EYS: variants seen among roughly 807,000 people sequenced by gnomAD.
EYS encodes the protein EGF-like photoreceptor maintenance factor.
In EYS, 250 loss-of-function variants were observed where a neutral mutation model predicts 282.1. That is an observed-to-expected ratio of 0.89 (90% CI 0.80 to 0.98). The LOEUF (loss-of-function observed/expected upper bound fraction) is 0.98. Among genes scored for constraint, EYS ranks in the 50% least tolerant of loss-of-function variants. The pLI is 0.00. For missense variants in EYS, 4,016 were observed against 3,709.0 expected, an observed-to-expected ratio of 1.08 and a Z score of -2.15; for synonymous variants, 1,355 against 1,282.9, an observed-to-expected ratio of 1.06 and a Z score of -1.20.
intron 29 of EYS, among the ~76,000 whole-genome samples, chr6:64,345,398 A>G (rs960178180): frequency 6.6e-6 from 1 of 152,124 alleles, no homozygotes; most frequent in Non-Finnish European, 1.5e-5. Context: ...ATAATGCTGC[A>G]TATCTACAAC....
chr6:64,360,812 G>A (rs754708461), intron 29 of EYS, among the ~76,000 whole-genome samples: 33 of 151,846 alleles, frequency 2.2e-4, no homozygotes, highest in Admixed American at 5.9e-4. Context: ...GTTAGTGAAT[G>A]CCAGAGAAAG....
chr6:64,129,001 C>A (rs997560863), intron 31 of EYS, among the ~76,000 whole-genome samples: 17 of 152,150 alleles, frequency 1.1e-4, no homozygotes, highest in Admixed American at 2.0e-4. Context: ...AAATTATATA[C>A]AACCCTCTGG....
chr6:65,094,478 C>G (rs547516241), intron 12 of EYS, among the ~76,000 whole-genome samples: 35 of 151,204 alleles, frequency 2.3e-4, no homozygotes, highest in Non-Finnish European at 4.4e-4. Context: ...ATTGAGGCCA[C>G]AATACAAGTC....
intron 35 of EYS, among the ~76,000 whole-genome samples, chr6:63,942,088 G>A (rs1009042993): frequency 6.6e-6 from 1 of 152,118 alleles, no homozygotes; most frequent in Non-Finnish European, 1.5e-5. Context: ...CTCTAATTCA[G>A]CCTCTAGATC....
chr6:64,646,964 A>C lies in EYS; in HGVS notation c.3444-20719T>G, dbSNP rs149787533. ...CAAACATTTGTAAGGCATTTTAATA[A>C]AGGTGAAGAAAGAGTAGTGAATGGA... On this transcript the variant is annotated intron_variant, in intron 22 of 42. Coordinates refer to ENST00000503581, the MANE Select transcript of EYS (RefSeq NM_001142800.2). 1.9e-4 allele frequency among the ~76,000 whole-genome samples: 29 copies of C among 152,262 alleles called. No individual in the cohort carries two copies. The East Asian group carries it at 4.4e-3, about 23-fold the overall frequency.
intron 37 of EYS, 90 bp from the exon 38 acceptor site, chr6:63,789,314 G>A (rs185455311): frequency 4.9e-4 from 609 of 1,249,084 alleles, no homozygotes; most frequent in Middle Eastern, 1.6e-3. Context: ...CTGAATTACA[G>A]ATCAGTATGG....
chr6:64,373,508 T>C (rs1772457692), intron 29 of EYS, among the ~76,000 whole-genome samples: 2 of 152,190 alleles, frequency 1.3e-5, no homozygotes, highest in East Asian at 3.9e-4. Context: ...TTAGGTGGAA[T>C]TGGGACCACT....
intron 39 of EYS, among the ~76,000 whole-genome samples, chr6:63,784,423 T>G (rs988714683): frequency 2.0e-5 from 3 of 152,192 alleles, no homozygotes; most frequent in African/African-American, 7.2e-5. Flanking sequence ...TAGTCCATTC[T>G]CACATTGCTG....
In EYS at chr6:63,887,136, G is replaced by A. The variant is rs113853469; in HGVS notation, c.7056-22778C>T. 7.1e-3 allele frequency among the ~76,000 whole-genome samples: 1,075 copies of A among 152,100 alleles called. 16 individuals carry two copies. The highest frequency in any genetic ancestry group is 0.023 in the South Asian group (112 of 4,822). On this transcript the variant is annotated intron_variant, in intron 35 of 42. Coordinates refer to ENST00000503581, the MANE Select transcript of EYS (RefSeq NM_001142800.2). Reference sequence around the variant, plus strand: ...AGTGGGACAGCATCTGCAGGCATAAGCACCAGTTAGATATTAATATAAGCT... The same window carrying A: ...AGTGGGACAGCATCTGCAGGCATAAACACCAGTTAGATATTAATATAAGCT...
At chr6:65,475,609 A>G (rs909496633) in intron 5 of EYS, among the ~76,000 whole-genome samples, 2 of 152,186 alleles carry the variant, frequency 1.3e-5, no homozygotes, top group African/African-American at 4.8e-5. Flanking sequence ...TCAAATTAAC[A>G]TCTGGGATTT....
rs184725895 is a variant in EYS, at chr6:65,220,518, C to T, written c.2023+75345G>A. ...GTCCCTTTGCTCTTCCTTCGTCTTC[C>T]ACCATGATTGTGAGGTCTCCCCAGC... On this transcript the variant is annotated intron_variant, in intron 12 of 42. Transcript: ENST00000503581. Among the ~76,000 whole-genome samples, 6 of 152,256 alleles carry T rather than the reference C, an allele frequency of 3.9e-5. No individual in the cohort carries two copies. The East Asian group carries it at 1.2e-3, about 29-fold the overall frequency.
At chr6:63,790,263 T>G (rs901082605) in intron 37 of EYS, among the ~76,000 whole-genome samples, 1 of 152,170 alleles carries the variant, frequency 6.6e-6, no homozygotes, top group Non-Finnish European at 1.5e-5. Flanking sequence ...CTAGTATTAC[T>G]TTGATCAGGG....
chr6:65,643,968 G>T (rs1004256642), intron 1 of EYS, among the ~76,000 whole-genome samples: 3 of 151,976 alleles, frequency 2.0e-5, no homozygotes, highest in African/African-American at 7.2e-5. Context: ...TCTACCCAAT[G>T]AGAAGAAAAC....
At chr6:65,520,366 C>T (rs183998284) in intron 2 of EYS, among the ~76,000 whole-genome samples, 1 of 152,156 alleles carries the variant, frequency 6.6e-6, no homozygotes, top group Admixed American at 6.5e-5. Context: ...TGTAACAAGG[C>T]TATTGCTAAG....
intron 22 of EYS, among the ~76,000 whole-genome samples, chr6:64,805,990 G>A (rs1319773688): frequency 6.6e-6 from 1 of 150,984 alleles, no homozygotes; most frequent in African/African-American, 2.4e-5. Context: ...TGTGAATATA[G>A]GAAAAGGCCT....
chr6:64,281,517 G>A (rs1316376332), intron 30 of EYS, among the ~76,000 whole-genome samples: 1 of 152,066 alleles, frequency 6.6e-6, no homozygotes, highest in Non-Finnish European at 1.5e-5. Context: ...TTATAGTAAA[G>A]ACTGACAGAA....
intron 36 of EYS, among the ~76,000 whole-genome samples, chr6:63,820,217 C>G (rs1771286657): frequency 1.3e-5 from 2 of 152,134 alleles, no homozygotes; most frequent in Non-Finnish European, 2.9e-5. Flanking sequence ...AATTGTATTT[C>G]CCTGATTACT....
chr6:64,151,311 G>GTATATT (rs59626339), intron 31 of EYS, among the ~76,000 whole-genome samples: 4 of 87,166 alleles, frequency 4.6e-5, no homozygotes, highest in South Asian at 3.6e-4. Flanking sequence ...GTGTGTGTGT[G>GTATATT]TATATTTATA....
intron 15 of EYS, among the ~76,000 whole-genome samples, chr6:64,944,624 C>A (rs530503830): frequency 6.6e-6 from 1 of 151,996 alleles, no homozygotes; most frequent in African/African-American, 2.4e-5. Context: ...CTGACCGTCC[C>A]CCAGCCCAAC....
Sources: gnomAD v4.1 joint callset for allele counts (sites outside exome capture counted in the v4.1 genomes callset) on GRCh38, gnomAD v4.1.1 for gene constraint, MANE v1.5 for transcripts, NCBI Gene and HGNC (gene_info 2026-07-23, HGNC 2026-07-21) for gene names.